The following PTPRU variants were observed in gnomAD, a reference collection of about 807,000 sequenced individuals.
PTPRU encodes protein tyrosine phosphatase receptor type U.
Under a neutral mutation model 166.3 loss-of-function variants are expected in PTPRU, and 69 were observed. The observed-to-expected ratio is 0.41, with a 90% CI of 0.34 to 0.51. The LOEUF (loss-of-function observed/expected upper bound fraction) is 0.51. PTPRU is among the 20% of genes least tolerant of loss of function. The probability of loss-of-function intolerance (pLI) is 0.09; values close to 1 mark genes in which losing one functional copy is unlikely to be tolerated. For synonymous variants in PTPRU, 793 were observed against 814.0 expected (o/e 0.97, Z 0.44); for missense variants, 1,657 against 2,013.7 (o/e 0.82, Z 3.39).
intron 15 of PTPRU, among the ~76,000 whole-genome samples, chr1:29,298,415 T>C (rs1442809726): frequency 6.6e-6 from 1 of 152,202 alleles, no homozygotes; most frequent in Non-Finnish European, 1.5e-5. Context: ...AGGCCAGGTT[T>C]TTGTGGTTTA....
chr1:29,304,946 G>T (rs957099421), intron 17 of PTPRU, 97 bp downstream of exon 17: 7 of 1,197,486 alleles, frequency 5.8e-6, no homozygotes, highest in African/African-American at 3.0e-5. Flanking sequence ...CCTCAGAGAT[G>T]ATAGTAGCAT....
rs559816355 is a variant in PTPRU at position 29,260,059 on chromosome 1, G to A, written c.850+15G>A. On this transcript the variant is annotated intron_variant, in intron 6 of 29. Coordinates refer to ENST00000373779, the MANE Select transcript of PTPRU (RefSeq NM_133178.4). This position sits in a 1 kb window ranked among gnomAD's most constrained non-coding sequence, Gnocchi z 8.3. ...CATCGTCAAGGGTCAGCTGGTGGAC[G>A]CCGGGGAGCGCCGGGACCTCACCCT... 4.3e-6 allele frequency: 6 copies of A among 1,393,222 alleles called. No individual in the cohort carries two copies. In the South Asian group the frequency reaches 6.8e-5, roughly 16 times the overall value. 86.3% of individuals were successfully genotyped at this position (1,393,222 alleles called of 1,614,324 possible).
chr1:29,248,681 G>A (rs1362370949), intron 1 of PTPRU, among the ~76,000 whole-genome samples: 1 of 152,090 alleles, frequency 6.6e-6, no homozygotes, highest in African/African-American at 2.4e-5. Context: ...TCCCTGTCTG[G>A]TGTGAGGAAA....
In PTPRU at chr1:29,275,569, C is replaced by T. The variant is rs762350700; in HGVS notation, c.1266C>T (p.Cys422=). ...TRCHTYTVSL[C]YHYTLGSSHN... is the part of the protein sequence containing the mutation. ...GCCACACCTATACTGTGTCGCTGTG[C>T]TATCACTACACCCTGGGCAGCAGCC... The change falls in exon 8 of 30, where the codon TGC becomes TGT. Residue 422 remains cysteine, a synonymous_variant. Transcript: ENST00000373779. 1 of 1,614,206 alleles carries T rather than the reference C, an allele frequency of 6.2e-7. No homozygotes were observed. The highest frequency in any genetic ancestry group is 8.5e-7 in the Non-Finnish European group (1 of 1,180,036).
rs200241374 is a variant in PTPRU, at chr1:29,262,979, ATTATTTAT to A, written c.1144+2090_1144+2097del. On this transcript the variant is annotated intron_variant, in intron 7 of 29. Transcript: ENST00000373779. The stretch of plus-strand genomic sequence containing the variant: ...GTGACTGGCTTCTTCCATTTATTTT[ATTATTTAT>A]TTATTTATTTATTATTAAGACGGAG... Among the ~76,000 whole-genome samples, 979 of 151,888 alleles carry A rather than the reference ATTATTTAT, an allele frequency of 6.4e-3. 6 individuals are homozygous for A. Among genetic ancestry groups the A allele is most frequent in the Non-Finnish European group, 9.5e-3 (645 of 67,962 alleles).
At chr1:29,300,671 G>C (rs139423056) in intron 15 of PTPRU, among the ~76,000 whole-genome samples, 2 of 152,216 alleles carry the variant, frequency 1.3e-5, no homozygotes, top group East Asian at 3.8e-4. Flanking sequence ...CAGTAATCCA[G>C]CTAAAATATA....
intron 26 of PTPRU, among the ~76,000 whole-genome samples, chr1:29,322,569 G>A (rs998259651): frequency 6.6e-6 from 1 of 152,138 alleles, no homozygotes; most frequent in Admixed American, 6.5e-5. Flanking sequence ...GGGTTGCCAG[G>A]ACCTGAGGCA....
At chr1:29,304,995 C>T (rs1687322254) in intron 17 of PTPRU, 146 bp downstream of exon 17, 1 of 673,044 alleles carries the variant, frequency 1.5e-6, no homozygotes, top group Admixed American at 2.9e-5. Flanking sequence ...ACGTCACGCC[C>T]TGTGCTTGTT....
rs1465196826 is a variant in PTPRU, at chr1:29,311,791, G to C, written c.3072+32G>C. On this transcript the variant is annotated intron_variant, in intron 21 of 29. Transcript: ENST00000373779. The surrounding 1 kb of genome is among the most constrained non-coding windows in gnomAD (Gnocchi z 4.1). ...CTCCCCACCGCCTGTTCCCTGCAGA[G>C]GGTGCCTGAGCAGGGATTAGAGCCC... The C allele has an allele frequency of 6.3e-7, 1 of 1,594,770 alleles. No homozygotes were observed. The highest frequency in any genetic ancestry group is 1.3e-5 in the African/African-American group (1 of 74,348).
At chr1:29,277,682 T>C (rs1685864835) in intron 8 of PTPRU, among the ~76,000 whole-genome samples, 1 of 152,144 alleles carries the variant, frequency 6.6e-6, no homozygotes, top group African/African-American at 2.4e-5. Context: ...TTAATACCCA[T>C]GACAACCCTA....
rs562184750 is a variant in PTPRU at position 29,292,763 on chromosome 1, G to A, written c.2476+737G>A. Among the ~76,000 whole-genome samples the A allele has an allele frequency of 4.0e-5, 6 of 151,478 alleles. No homozygotes were observed. The South Asian group carries it at 8.3e-4, about 21-fold the overall frequency. On this transcript the variant is annotated intron_variant, in intron 15 of 29. Coordinates refer to ENST00000373779, the MANE Select transcript of PTPRU (RefSeq NM_133178.4). ...AACATTATCTTGGTACACCTCCCTG[G>A]CTATATCCCCTACCTCTTTCTTAGA...
chr1:29,291,951 A>G lies in PTPRU; in HGVS notation c.2401A>G (p.Thr801Ala). 20 of 1,614,158 alleles carry G rather than the reference A, an allele frequency of 1.2e-5. No homozygotes were observed. The highest frequency in any genetic ancestry group is 1.7e-5 in the Non-Finnish European group (20 of 1,180,028). The change falls in exon 15 of 30, where the codon ACA becomes GCA. Residue 801 changes from threonine to alanine, a missense_variant. This residue lies in a region of PTPRU where 1,190 missense variants were observed against 1,477.4 expected (regional missense o/e 0.81). Coordinates refer to ENST00000373779, the MANE Select transcript of PTPRU (RefSeq NM_133178.4). This position sits in a 1 kb window ranked among gnomAD's most constrained non-coding sequence, Gnocchi z 4.1. ...HMMSAVDRSF[T>A]DQSTLQEDER... Reference sequence around the variant, plus strand: ...GATGAGCGCCGTGGACCGCAGCTTCACAGACCAGAGCACCCTGCAGGAGGA... The same window carrying G: ...GATGAGCGCCGTGGACCGCAGCTTCGCAGACCAGAGCACCCTGCAGGAGGA...
rs1302695461 is a variant in PTPRU at position 29,259,465 on chromosome 1, C to T, written c.576C>T (p.Phe192=). The T allele has an allele frequency of 1.2e-6, 2 of 1,611,944 alleles. No homozygotes were observed. Among genetic ancestry groups the T allele is most frequent in the Non-Finnish European group, 1.7e-6 (2 of 1,178,732 alleles). Residue 192 remains phenylalanine, a synonymous_variant, in exon 5 of 30, where the codon TTC becomes TTT. Transcript: ENST00000373779. ...ACCCCGCAGCAAAGGCCCCACACTT[C>T]TCCCGCCTGGGCGACGTGGAGGTCA... ...LSYPCAKAPH[F]SRLGDVEVNA...
intron 1 of PTPRU, among the ~76,000 whole-genome samples, chr1:29,250,284 T>G (rs1684493272): frequency 6.6e-6 from 1 of 152,190 alleles, no homozygotes; most frequent in African/African-American, 2.4e-5. Flanking sequence ...AGTGCCAGCC[T>G]GGGACCTGCT....
chr1:29,279,785 C>T lies in PTPRU; in HGVS notation c.1765+128C>T. 2 of 1,164,450 alleles carry T rather than the reference C, an allele frequency of 1.7e-6. No individual in the cohort carries two copies. Among genetic ancestry groups the T allele is most frequent in the Non-Finnish European group, 2.4e-6 (2 of 816,410 alleles). The allele number at this position is 1,164,450 out of a possible 1,614,324, so 72.1% of individuals were successfully genotyped here. ...AGGGCCCCTGCTGAGATAAATATGC[C>T]ATTTAGGAGTTAAAGTCAGGCTCAG... is the stretch of plus-strand genomic sequence containing the variant. On this transcript the variant is annotated intron_variant, in intron 10 of 29. Coordinates refer to ENST00000373779, the MANE Select transcript of PTPRU (RefSeq NM_133178.4). The surrounding 1 kb of genome is among the most constrained non-coding windows in gnomAD (Gnocchi z 5.2).
intron 24 of PTPRU, among the ~76,000 whole-genome samples, 176 bp downstream of exon 24, chr1:29,316,327 G>A (rs567615627): frequency 6.6e-6 from 1 of 152,298 alleles, no homozygotes; most frequent in Admixed American, 6.5e-5. Flanking sequence ...AAGATGGGGT[G>A]CATCAAAGCA....
chr1:29,272,571 C>G (rs774523704), intron 7 of PTPRU, among the ~76,000 whole-genome samples: 12 of 152,140 alleles, frequency 7.9e-5, no homozygotes, highest in Non-Finnish European at 1.2e-4. Context: ...TCCTTTGCAT[C>G]TTCTTCATAA....
chr1:29,319,097 G>A (rs1688031960), intron 25 of PTPRU, among the ~76,000 whole-genome samples: 1 of 152,220 alleles, frequency 6.6e-6, no homozygotes, highest in African/African-American at 2.4e-5. Context: ...AGAGATGTGA[G>A]GGGCCCATCA....
chr1:29,259,813 G>C (rs1684958434), intron 5 of PTPRU, 57 bp from the exon 6 acceptor site: 23 of 1,472,160 alleles, frequency 1.6e-5, no homozygotes, highest in Non-Finnish European at 1.9e-5. Flanking sequence ...GGGTCAGAGC[G>C]AGATCGGGAC....
Sources: allele counts gnomAD v4.1 joint callset (sites outside exome capture counted in the v4.1 genomes callset), GRCh38; gene constraint gnomAD v4.1.1; regional missense constraint gnomAD v4.1.1; non-coding constraint Gnocchi (gnomAD v3.1); transcripts MANE v1.5; gene names NCBI Gene and HGNC (gene_info 2026-07-23, HGNC 2026-07-21).